Variants in CCDC171 observed in about 807,000 individuals in gnomAD.
The protein encoded by CCDC171 is coiled-coil domain-containing protein 171.
Under a neutral mutation model 168.2 loss-of-function variants are expected in CCDC171, and 177 were observed. That is an observed-to-expected ratio of 1.05 (90% CI 0.93 to 1.19). The LOEUF (loss-of-function observed/expected upper bound fraction) is 1.19. Ranked by LOEUF, CCDC171 falls within the 50% of genes most tolerant of loss-of-function variation. The pLI, the probability that CCDC171 is intolerant of heterozygous loss-of-function variation, is 0.00. For missense variants in CCDC171, 1,991 were observed against 1,539.0 expected (o/e 1.29, Z -4.91); for synonymous variants, 687 against 540.8 (o/e 1.27, Z -3.75).
intron 21 of CCDC171, among the ~76,000 whole-genome samples, chr9:15,788,447 A>G (rs2135545800): frequency 6.6e-6 from 1 of 152,202 alleles, no homozygotes; most frequent in South Asian, 2.1e-4. Context: ...AACAAAGTGT[A>G]TTGTTTCTTC....
intron 25 of CCDC171, among the ~76,000 whole-genome samples, chr9:15,935,797 A>G (rs557252431): frequency 1.3e-5 from 2 of 152,102 alleles, no homozygotes; most frequent in Non-Finnish European, 2.9e-5. Context: ...AACATATTTG[A>G]AAATTATAGT....
intron 7 of CCDC171, among the ~76,000 whole-genome samples, chr9:15,626,796 G>C (rs1564080716): frequency 6.6e-6 from 1 of 152,108 alleles, no homozygotes; most frequent in East Asian, 1.9e-4. Flanking sequence ...TTGTGTCTTT[G>C]CCAGGCTTTG....
rs201932972 is a variant in CCDC171 at position 15,777,642 on chromosome 9, C to G, written c.2714C>G (p.Ala905Gly). The G allele has an allele frequency of 1.1e-4, 171 of 1,613,570 alleles. No homozygotes were observed. Among genetic ancestry groups the G allele is most frequent in the Non-Finnish European group, 1.4e-4 (166 of 1,179,924 alleles). Residue 905 changes from alanine to glycine, a missense_variant, in exon 19 of 26, where the codon GCC becomes GGC. Transcript: ENST00000380701. ...TGTGGACATTTACTCATAGGTGCAG[C>G]CAAGAATTCTTTTGCAAAACTCATG... The part of the protein sequence containing the change: ...RICGHLLIGA[A>G]KNSFAKLMDK...
chr9:15,704,265 A>G (rs1415128499), intron 11 of CCDC171, among the ~76,000 whole-genome samples: 1 of 152,208 alleles, frequency 6.6e-6, no homozygotes, highest in Non-Finnish European at 1.5e-5. Context: ...GTGTGCACAT[A>G]TGGTCCCAGC....
At chr9:15,607,456 T>C (rs1330490537) in intron 6 of CCDC171, among the ~76,000 whole-genome samples, 4 of 152,136 alleles carry the variant, frequency 2.6e-5, no homozygotes, top group Non-Finnish European at 4.4e-5. Flanking sequence ...GTCAAACTTA[T>C]ATTTTTCACT....
chr9:15,719,416 AAGAGAGAG>A (rs145961792), intron 11 of CCDC171, among the ~76,000 whole-genome samples: 22 of 7,468 alleles, frequency 2.9e-3, no homozygotes, highest in Middle Eastern at 0.1. Flanking sequence ...GGGCGGGGGA[AAGAGAGAG>A]AGAGAGAGAG....
intron 5 of CCDC171, among the ~76,000 whole-genome samples, chr9:15,592,493 C>T (rs953586028): frequency 1.3e-5 from 2 of 152,118 alleles, no homozygotes; most frequent in African/African-American, 2.4e-5. Flanking sequence ...TAAAAGTTTT[C>T]GCACAGTCAT....
intron 6 of CCDC171, among the ~76,000 whole-genome samples, chr9:15,601,147 C>G (rs2042820505): frequency 6.6e-6 from 1 of 152,182 alleles, no homozygotes; most frequent in South Asian, 2.1e-4. Context: ...CTGTCCTGCA[C>G]CCACTCTCTG....
intron 11 of CCDC171, among the ~76,000 whole-genome samples, chr9:15,703,435 A>C (rs77126045): frequency 0.027 from 4,097 of 152,286 alleles, 211 homozygotes; most frequent in African/African-American, 0.093. Flanking sequence ...CCAGCCTCTG[A>C]TAACCACCAT....
At chr9:16,057,868 G>T (rs1833867134) in intron 1 of CCDC171, among the ~76,000 whole-genome samples, 1 of 152,142 alleles carries the variant, frequency 6.6e-6, no homozygotes, top group Non-Finnish European at 1.5e-5. Context: ...CAGGGGCTGG[G>T]ACACCTCCCT....
chr9:15,915,493 A>C (rs1824377285), intron 24 of CCDC171, among the ~76,000 whole-genome samples: 1 of 152,140 alleles, frequency 6.6e-6, no homozygotes, highest in Non-Finnish European at 1.5e-5. Context: ...TACTGAATTT[A>C]TCAAATCTAA....
intron 16 of CCDC171, among the ~76,000 whole-genome samples, chr9:15,743,387 G>A (rs1378582828): frequency 2.0e-5 from 3 of 151,576 alleles, no homozygotes; most frequent in Non-Finnish European, 4.4e-5. Flanking sequence ...GCCCAGGATG[G>A]TCTCAAACTC....
rs1026749815 is a variant in CCDC171 at position 15,816,163 on chromosome 9, T to A, written c.3268-30539T>A. On this transcript the variant is annotated intron_variant, in intron 21 of 25. Coordinates refer to ENST00000380701, the MANE Select transcript of CCDC171 (RefSeq NM_173550.4). ...ACATAATTTTAAAAACGTTTTTTCA[T>A]GTTCAAATTTGTCCTCAATGAGTCA... 2.5e-4 allele frequency among the ~76,000 whole-genome samples: 29 copies of A among 118,234 alleles called. 6 individuals carry two copies. Among genetic ancestry groups the A allele is most frequent in the Middle Eastern group, 6.5e-3 (1 of 154 alleles). The allele number at this position is 118,234 out of a possible 152,430, so 77.6% of individuals were successfully genotyped here. A position where few individuals can be genotyped will look rare whatever the true frequency, so the allele number is the denominator to read the frequency against.
intron 21 of CCDC171, among the ~76,000 whole-genome samples, chr9:15,828,818 T>G (rs2060118938): frequency 6.6e-6 from 1 of 152,244 alleles, no homozygotes; most frequent in South Asian, 2.1e-4. Flanking sequence ...TCTGTAATAT[T>G]TTTCTCTTTT....
At chr9:15,935,584 TATA>T (rs1827015405) in intron 25 of CCDC171, among the ~76,000 whole-genome samples, 1 of 152,202 alleles carries the variant, frequency 6.6e-6, no homozygotes, top group South Asian at 2.1e-4. Context: ...TATATTAGCA[TATA>T]ATATAAATGT....
chr9:15,875,377 A>C (rs559160588), intron 24 of CCDC171: 2 of 151,938 alleles, frequency 1.3e-5, no homozygotes, highest in African/African-American at 4.8e-5. Context: ...TATTGTATTA[A>C]TATTATTGTG....
At chr9:15,886,086 A>T (rs1819360069) in intron 24 of CCDC171, 2 of 152,198 alleles carry the variant, frequency 1.3e-5, no homozygotes, top group South Asian at 4.1e-4. Flanking sequence ...CAAAAGAATG[A>T]AATTGGACCT....
At chr9:15,750,097 G>A (rs2055616453) in intron 18 of CCDC171, among the ~76,000 whole-genome samples, 1 of 149,896 alleles carries the variant, frequency 6.7e-6, no homozygotes, top group Non-Finnish European at 1.5e-5. Context: ...AAGAAAGAGA[G>A]AAGAATCAAA....
rs757321868 is a variant in CCDC171 at position 15,579,040 on chromosome 9, T to A, written c.352+17T>A. The A allele has an allele frequency of 1.2e-5, 19 of 1,607,924 alleles. No individual in the cohort carries two copies. Among genetic ancestry groups the A allele is most frequent in the Middle Eastern group, 3.3e-4 (2 of 6,016 alleles). On this transcript the variant is annotated intron_variant, in intron 4 of 25. Transcript: ENST00000380701. ...AACTCTGTGGTAAGACTGTTTCTAT[T>A]TCTTCCCAAGTTTAGGGTTGTAACC...
Sources: gnomAD v4.1 joint callset for allele counts (sites outside exome capture counted in the v4.1 genomes callset) on GRCh38, gnomAD v4.1.1 for gene constraint, MANE v1.5 for transcripts, NCBI Gene and HGNC (gene_info 2026-07-23, HGNC 2026-07-21) for gene names.